FUT8: variants seen among roughly 807,000 people sequenced by gnomAD.
The protein encoded by FUT8 is alpha-(1,6)-fucosyltransferase.
In FUT8, 29 loss-of-function variants were observed where a neutral mutation model predicts 71.3. That is an observed-to-expected ratio of 0.41 (90% CI 0.30 to 0.55). The LOEUF is 0.55. FUT8 is among the 20% of genes least tolerant of loss of function. The pLI, the probability that FUT8 is intolerant of heterozygous loss-of-function variation, is 0.34. For missense variants in FUT8, 544 were observed against 702.1 expected (o/e 0.77, Z 2.55); for synonymous variants, 254 against 239.3 (o/e 1.06, Z -0.57).
intron 6 of FUT8, among the ~76,000 whole-genome samples, chr14:65,663,446 T>C (rs1231459133): frequency 1.3e-5 from 2 of 152,142 alleles, no homozygotes; most frequent in Non-Finnish European, 2.9e-5. Context: ...TTCTGTTCTT[T>C]AGTGTCCTCT....
chr14:65,575,727 T>A (rs1422915077), intron 3 of FUT8, among the ~76,000 whole-genome samples: 1 of 151,830 alleles, frequency 6.6e-6, no homozygotes, highest in Non-Finnish European at 1.5e-5. Flanking sequence ...CAAGCAAATC[T>A]CCCACCTCGG....
intron 1 of FUT8, among the ~76,000 whole-genome samples, chr14:65,446,136 T>G (rs2065738033): frequency 6.6e-6 from 1 of 152,246 alleles, no homozygotes; most frequent in Non-Finnish European, 1.5e-5. Flanking sequence ...GATACGTCTT[T>G]TAAGCCTTTT....
chr14:65,527,866 T>C (rs1458838293), intron 2 of FUT8, among the ~76,000 whole-genome samples: 2 of 152,206 alleles, frequency 1.3e-5, no homozygotes, highest in African/African-American at 2.4e-5. Context: ...GAACAATGCA[T>C]ATTGCTGAAC....
the FUT8 span, among the ~76,000 whole-genome samples, chr14:65,385,923 G>T: frequency 6.6e-6 from 1 of 152,022 alleles, no homozygotes; most frequent in Non-Finnish European, 1.5e-5. Context: ...AGGCCGAGGC[G>T]GGTAGATCAC....
At position 65,733,312 on chromosome 14, in the gene FUT8, T is replaced by G. The variant is rs367819624; in HGVS notation, c.1341T>G (p.Leu447=). The G allele has an allele frequency of 1.2e-6, 2 of 1,609,816 alleles. No homozygotes were observed. The highest frequency in any genetic ancestry group is 1.7e-6 in the Non-Finnish European group (2 of 1,177,096). Residue 447 remains leucine (L), a synonymous_variant, in exon 10 of 11, where the codon CTT becomes CTG. Coordinates refer to ENST00000673929, the MANE Select transcript of FUT8 (RefSeq NM_001371533.1). ...GLHNRYTENS[L]RGVILDIHFL... Reference sequence around the variant, plus strand: ...ACAATCGATACACAGAAAATTCACTTCGTGGAGTGATCCTGGATATACATT... The same window carrying G: ...ACAATCGATACACAGAAAATTCACTGCGTGGAGTGATCCTGGATATACATT...
chr14:65,436,249 C>T (rs1397366957), intron 1 of FUT8, among the ~76,000 whole-genome samples: 1 of 151,920 alleles, frequency 6.6e-6, no homozygotes, highest in Non-Finnish European at 1.5e-5. Context: ...TTTGAGATCA[C>T]CCTGGGCAAC....
At chr14:65,455,836 T>C (rs2065887362) in intron 2 of FUT8, 118 bp downstream of exon 2, 1 of 392,962 alleles carries the variant, frequency 2.5e-6, no homozygotes, top group African/African-American at 2.1e-5. Flanking sequence ...AAAGGCCAAG[T>C]CAGTCTAAAC....
At chr14:65,691,297 G>T (rs189628523) in intron 7 of FUT8, among the ~76,000 whole-genome samples, 27 of 150,912 alleles carry the variant, frequency 1.8e-4, no homozygotes, top group Admixed American at 1.1e-3. Context: ...TTAGTGTTAC[G>T]TAGGAATGGT....
At chr14:65,616,470 A>G (rs1889291645) in intron 5 of FUT8, 97 bp downstream of exon 5, 1 of 1,050,856 alleles carries the variant, frequency 9.5e-7, no homozygotes. Flanking sequence ...AGTGGTAAAT[A>G]TTAATAGCAC....
At chr14:65,596,711 T>C (rs192687825) in intron 3 of FUT8, among the ~76,000 whole-genome samples, 30 of 152,322 alleles carry the variant, frequency 2.0e-4, no homozygotes, top group Admixed American at 3.3e-4. Flanking sequence ...CAGAATTCTT[T>C]GATGATATAA....
At chr14:65,701,408 T>C (rs1257498532) in intron 7 of FUT8, among the ~76,000 whole-genome samples, 1 of 152,246 alleles carries the variant, frequency 6.6e-6, no homozygotes, top group East Asian at 1.9e-4. Context: ...ATAAATTTGC[T>C]CCTGGGTTTT....
In FUT8 at chr14:65,732,313, A is replaced by T. The variant is rs150637271; in HGVS notation, c.1260-918A>T. On this transcript the variant is annotated intron_variant, in intron 9 of 10. Transcript: ENST00000673929. ...TAGGGGATTAGGGAAAGTCCCAGGC[A>T]TAGGTAGCACTGACTTGTTCATGTA... is the stretch of plus-strand genomic sequence containing the variant. Among the ~76,000 whole-genome samples, 253 of 152,338 alleles carry T rather than the reference A, an allele frequency of 1.7e-3. 1 individual carries two copies. Among genetic ancestry groups the T allele is most frequent in the African/African-American group, 5.6e-3 (234 of 41,574 alleles).
Position 65,561,464 on chromosome 14 carries a change from A to ACAGAAGTC in FUT8, c.-99_-92dup. 9.4e-7 allele frequency: 1 copy of ACAGAAGTC among 1,069,218 alleles called. No homozygotes were observed. Among genetic ancestry groups the ACAGAAGTC allele is most frequent in the South Asian group, 1.4e-5 (1 of 69,670 alleles). 66.2% of individuals were successfully genotyped at this position (1,069,218 alleles called of 1,614,324 possible). On this transcript the variant is annotated 5_prime_UTR_variant, in exon 3 of 11. Coordinates refer to ENST00000673929, the MANE Select transcript of FUT8 (RefSeq NM_001371533.1). ...GTCTGAAGCATCATGTGTTGAAACA[A>ACAGAAGTC]CAGAAGTCTATTCACCTGTGCACTA... is the stretch of plus-strand genomic sequence containing the variant.
intron 6 of FUT8, among the ~76,000 whole-genome samples, chr14:65,655,855 A>G (rs572782825): frequency 6.6e-6 from 1 of 152,364 alleles, no homozygotes; most frequent in East Asian, 1.9e-4. Flanking sequence ...ATGAATGACA[A>G]AAACCGTATG....
At chr14:65,421,910 G>A (rs2065303380) in intron 1 of FUT8, among the ~76,000 whole-genome samples, 1 of 151,972 alleles carries the variant, frequency 6.6e-6, no homozygotes, top group South Asian at 2.1e-4. Context: ...TAACAACGAC[G>A]GCTTCTTCAG....
the FUT8 span, among the ~76,000 whole-genome samples, chr14:65,370,011 A>C: frequency 3.9e-5 from 6 of 152,012 alleles, no homozygotes; most frequent in Non-Finnish European, 8.8e-5. Flanking sequence ...CAAAGATGAG[A>C]TGCTCCTCAC....
intron 7 of FUT8, among the ~76,000 whole-genome samples, chr14:65,692,998 G>C (rs1220728608): frequency 6.6e-6 from 1 of 151,954 alleles, no homozygotes; most frequent in Non-Finnish European, 1.5e-5. Flanking sequence ...TGGCGGCCGG[G>C]CAGAGATGCT....
In FUT8 at chr14:65,550,921, A is replaced by T. The variant is rs1235871760; in HGVS notation, c.-227-10416A>T. 6.6e-6 allele frequency among the ~76,000 whole-genome samples: 1 copy of T among 152,228 alleles called. No homozygotes were observed. The highest frequency in any genetic ancestry group is 1.5e-5 in the Non-Finnish European group (1 of 68,052). On this transcript the variant is annotated intron_variant, in intron 2 of 10. Coordinates refer to ENST00000673929, the MANE Select transcript of FUT8 (RefSeq NM_001371533.1). The surrounding 1 kb of genome is among the most constrained non-coding windows in gnomAD (Gnocchi z 4.5). Reference sequence around the variant, plus strand: ...CAGTTTAGTGCTGTTGCAGACAATGATGTAAAGAGTATGTGAATGCATTTT... The same window carrying T: ...CAGTTTAGTGCTGTTGCAGACAATGTTGTAAAGAGTATGTGAATGCATTTT...
At chr14:65,537,062 A>T in intron 2 of FUT8, among the ~76,000 whole-genome samples, 1 of 147,992 alleles carries the variant, frequency 6.8e-6, no homozygotes, top group East Asian at 2.0e-4. Flanking sequence ...TTTTGCTGTT[A>T]ATACTTGAGA....
Sources: gnomAD v4.1 joint callset for allele counts (sites outside exome capture counted in the v4.1 genomes callset) on GRCh38, gnomAD v4.1.1 for gene constraint, Gnocchi (gnomAD v3.1) non-coding constraint, MANE v1.5 for transcripts, NCBI Gene and HGNC (gene_info 2026-07-23, HGNC 2026-07-21) for gene names.